TACC2: variants seen among roughly 807,000 people sequenced by gnomAD.
TACC2 encodes the protein transforming acidic coiled-coil containing protein 2.
A neutral mutation model predicts 227.3 loss-of-function variants in TACC2; 137 were observed. The ratio of observed to expected loss-of-function variants is 0.60; its 90% CI spans 0.52 to 0.69. The LOEUF (loss-of-function observed/expected upper bound fraction) is 0.69, where lower values mean the gene tolerates loss of function less well. Among genes scored for constraint, TACC2 ranks in the 30% least tolerant of loss-of-function variants. The pLI is 0.00. For synonymous variants in TACC2, 1,523 were observed against 1,487.5 expected (o/e 1.02, Z -0.55); for missense variants, 3,470 against 3,694.4 (o/e 0.94, Z 1.57).
chr10:122,085,496 A>G lies in TACC2; in HGVS notation c.2996A>G (p.Asp999Gly). Residue 999 changes from aspartate to glycine, a missense_variant, in exon 4 of 23, where the codon GAT becomes GGT. By Grantham distance (94) the Asp-to-Gly change is moderately conservative (BLOSUM62 -1). Transcript: ENST00000369005. Reference protein sequence around the residue: ...GPNKSQQALADALEEGSQHEE... With the variant: ...GPNKSQQALAGALEEGSQHEE... Reference sequence around the variant, plus strand: ...AACAAGTCTCAACAGGCATTGGCTGATGCCTTGGAAGAAGGCAGCCAGCAT... The same window carrying G: ...AACAAGTCTCAACAGGCATTGGCTGGTGCCTTGGAAGAAGGCAGCCAGCAT... The G allele has an allele frequency of 6.2e-7, 1 of 1,613,606 alleles. No individual in the cohort carries two copies. Among genetic ancestry groups the G allele is most frequent in the Non-Finnish European group, 8.5e-7 (1 of 1,180,042 alleles).
chr10:122,128,338 G>A (rs959408663), intron 5 of TACC2, among the ~76,000 whole-genome samples: 2 of 152,218 alleles, frequency 1.3e-5, no homozygotes, highest in African/African-American at 2.4e-5. Context: ...CATTGAGCAA[G>A]TATTTAATTA....
Position 122,028,027 on chromosome 10 carries a change from G to A in TACC2, c.33+6013G>A, listed in dbSNP as rs185665141. 1.8e-3 allele frequency among the ~76,000 whole-genome samples: 276 copies of A among 149,928 alleles called. 1 individual carries two copies. Among genetic ancestry groups the A allele is most frequent in the African/African-American group, 6.4e-3 (259 of 40,492 alleles). Reference sequence around the variant, plus strand: ...CAAAGTGCTAGGATTACAGGCGTGAGCCACTGCGCCTGGCCCATTGTTTTC... The same window carrying A: ...CAAAGTGCTAGGATTACAGGCGTGAACCACTGCGCCTGGCCCATTGTTTTC... On this transcript the variant is annotated intron_variant, in intron 2 of 22. Transcript: ENST00000369005.
chr10:122,185,581 C>G (rs1024545716), intron 7 of TACC2, among the ~76,000 whole-genome samples: 2 of 152,204 alleles, frequency 1.3e-5, no homozygotes, highest in African/African-American at 4.8e-5. Flanking sequence ...AACCAGATAC[C>G]AAACCTATTA....
rs534898964 is a variant in TACC2, at chr10:122,070,761, A to G, written c.147-11886A>G. 8.5e-4 allele frequency among the ~76,000 whole-genome samples: 129 copies of G among 151,252 alleles called. No individual in the cohort carries two copies. The South Asian group carries it at 0.026, about 30-fold the overall frequency. On this transcript the variant is annotated intron_variant, in intron 3 of 22. Transcript: ENST00000369005. ...AGAGCAAAATTCCGTCTCAAAAAAAAAAAAAAAAAAGAAATTAGCTAGGTG... is the reference window on the plus strand; with the variant it reads ...AGAGCAAAATTCCGTCTCAAAAAAAGAAAAAAAAAAGAAATTAGCTAGGTG...
At chr10:122,048,035 C>A (rs1019547585) in intron 2 of TACC2, among the ~76,000 whole-genome samples, 3 of 152,202 alleles carry the variant, frequency 2.0e-5, no homozygotes, top group Admixed American at 1.3e-4. Flanking sequence ...CTAGCTTGCT[C>A]TTCGGGCTGG....
At chr10:122,117,617 G>T (rs1334940820) in intron 5 of TACC2, among the ~76,000 whole-genome samples, 1 of 152,192 alleles carries the variant, frequency 6.6e-6, no homozygotes, top group Non-Finnish European at 1.5e-5. Context: ...GAAAGCAGCT[G>T]CCCCATTGGC....
chr10:122,035,431 TG>T (rs1289169374), intron 2 of TACC2, among the ~76,000 whole-genome samples: 1 of 152,184 alleles, frequency 6.6e-6, no homozygotes, highest in Non-Finnish European at 1.5e-5. Flanking sequence ...CTTTATTAAA[TG>T]TGTATTGTTT....
intron 2 of TACC2, among the ~76,000 whole-genome samples, chr10:122,027,117 T>A (rs1488008061): frequency 6.6e-6 from 1 of 152,156 alleles, no homozygotes; most frequent in Non-Finnish European, 1.5e-5. Context: ...CTCCCCAGCA[T>A]TTGGTGGTGT....
At chr10:121,998,048 A>C (rs1006846621) in intron 1 of TACC2, among the ~76,000 whole-genome samples, 11 of 152,114 alleles carry the variant, frequency 7.2e-5, no homozygotes, top group African/African-American at 2.7e-4. Context: ...ACGGTGGCTC[A>C]TGCCTGTAAC....
At chr10:122,062,722 T>A (rs1374215574) in intron 3 of TACC2, among the ~76,000 whole-genome samples, 1 of 152,190 alleles carries the variant, frequency 6.6e-6, no homozygotes, top group Non-Finnish European at 1.5e-5. Flanking sequence ...ATCTTTGGTG[T>A]GGATAGCAGC....
chr10:122,252,552 G>A (rs1258801397), intron 22 of TACC2, among the ~76,000 whole-genome samples: 3 of 151,412 alleles, frequency 2.0e-5, no homozygotes, highest in African/African-American at 4.9e-5. Flanking sequence ...GTGCAGTGGC[G>A]CAATCTCGGC....
intron 7 of TACC2, among the ~76,000 whole-genome samples, chr10:122,146,832 C>T (rs1031326973): frequency 1.3e-5 from 2 of 152,152 alleles, no homozygotes; most frequent in Admixed American, 6.6e-5. Context: ...TCCAGGAAAC[C>T]ACATTTCCAT....
chr10:122,084,689 A>C lies in TACC2; in HGVS notation c.2189A>C (p.Glu730Ala). The C allele has an allele frequency of 6.2e-7, 1 of 1,613,696 alleles. No homozygotes were observed. The highest frequency in any genetic ancestry group is 8.5e-7 in the Non-Finnish European group (1 of 1,180,044). The change falls in exon 4 of 23, where the codon GAG (glutamate) becomes GCG (alanine). Residue 730 changes from glutamate to alanine, a missense_variant. Around this residue, in one of 10 missense-constraint regions of TACC2, gnomAD observed 1,924 missense variants for 1,978.3 expected, o/e 0.97. Transcript: ENST00000369005. Reference protein sequence around the residue: ...KSDFPPTPVAEVAPKAQEGES... With the variant: ...KSDFPPTPVAAVAPKAQEGES... ...GATTTTCCACCAACTCCTGTTGCAG[A>C]GGTTGCACCCAAAGCCCAGGAAGGT...
rs758079560 is a variant in TACC2, at chr10:122,143,148, G to A, written c.5700-424G>A. Among the ~76,000 whole-genome samples the A allele has an allele frequency of 5.3e-5, 8 of 152,280 alleles. No homozygotes were observed. The East Asian group carries it at 7.7e-4, about 15-fold the overall frequency. On this transcript the variant is annotated intron_variant, in intron 6 of 22. Transcript: ENST00000369005. The stretch of plus-strand genomic sequence containing the variant: ...GATTTTTCTCAGCCTTGGGATTTGC[G>A]GGCAAAGCCTGGGGAATTTGTAAAG...
chr10:122,106,280 G>C (rs568357484), intron 5 of TACC2, among the ~76,000 whole-genome samples: 13 of 152,236 alleles, frequency 8.5e-5, no homozygotes, highest in Middle Eastern at 3.4e-3. Flanking sequence ...GAGCCACCGC[G>C]CCCGGCCCCT....
chr10:122,097,795 C>T (rs1257332430), intron 5 of TACC2, among the ~76,000 whole-genome samples: 1 of 152,120 alleles, frequency 6.6e-6, no homozygotes, highest in African/African-American at 2.4e-5. Flanking sequence ...AGACACGGCA[C>T]ACCCGACACA....
chr10:122,250,887 A>G (rs914416773), intron 22 of TACC2, among the ~76,000 whole-genome samples: 3 of 142,100 alleles, frequency 2.1e-5, no homozygotes, highest in South Asian at 2.3e-4. Flanking sequence ...GAATTTATTC[A>G]TATTACAGAT....
Position 122,088,592 on chromosome 10 carries a change from G to T in TACC2, c.5573+1G>T, listed in dbSNP as rs1188697625. 3.1e-6 allele frequency: 5 copies of T among 1,611,810 alleles called. No individual in the cohort carries two copies. The highest frequency in any genetic ancestry group is 1.7e-5 in the Admixed American group (1 of 59,748). On this transcript the variant is annotated splice_donor_variant, in intron 5 of 22. Transcript: ENST00000369005. LOFTEE classifies it high-confidence loss of function. ...CCAGAGGTGCGGAAGGAACAGAAAG[G>T]TCAGCGAAAGATATTGGTCTTTGGA...
chr10:121,991,131 A>G (rs1953011669), intron 1 of TACC2, among the ~76,000 whole-genome samples: 1 of 152,210 alleles, frequency 6.6e-6, no homozygotes, highest in Admixed American at 6.5e-5. Flanking sequence ...ATTTTAATGA[A>G]GTCTCTTAAA....
Sources: allele counts gnomAD v4.1 joint callset (sites outside exome capture counted in the v4.1 genomes callset), GRCh38; gene constraint gnomAD v4.1.1; regional missense constraint gnomAD v4.1.1; transcripts MANE v1.5; gene names NCBI Gene and HGNC (gene_info 2026-07-23, HGNC 2026-07-21).